SOX6: variants seen among roughly 807,000 people sequenced by gnomAD.
SOX6 encodes transcription factor SOX-6.
Under a neutral mutation model 97.8 loss-of-function variants are expected in SOX6, and 11 were observed. The observed-to-expected ratio is 0.11, with a 90% CI of 0.07 to 0.19. The LOEUF (loss-of-function observed/expected upper bound fraction) is 0.19, where lower values mean the gene tolerates loss of function less well. Among genes scored for constraint, SOX6 ranks in the 10% least tolerant of loss-of-function variants. The pLI is 1.00. For synonymous variants in SOX6, 360 were observed against 371.4 expected (o/e 0.97, Z 0.35); for missense variants, 810 against 1,039.5 (o/e 0.78, Z 3.04).
chr11:16,608,384 C>T (rs942637394), intron 4 of SOX6, among the ~76,000 whole-genome samples: 3 of 150,544 alleles, frequency 2.0e-5, no homozygotes, highest in Non-Finnish European at 2.9e-5. Context: ...ACGAGACAAA[C>T]GGAGAAGGGG....
chr11:16,100,569 G>A (rs937718942), intron 7 of SOX6, among the ~76,000 whole-genome samples: 2 of 151,620 alleles, frequency 1.3e-5, no homozygotes, highest in African/African-American at 4.8e-5. Context: ...AAAACAGCAA[G>A]AGTCCCTAAA....
intron 12 of SOX6, among the ~76,000 whole-genome samples, chr11:16,015,608 C>T (rs1854860944): frequency 6.6e-6 from 1 of 152,008 alleles, no homozygotes; most frequent in African/African-American, 2.4e-5. Context: ...AAAAGGAGGA[C>T]ATCACTCCTA....
rs142449650 is a variant in SOX6 at position 16,015,337 on chromosome 11, A to G, written c.1624-287T>C. ...TCTGTCGGATTTGCTCCAGTAATCTAAAAACAACGCAATAGAGAGGGTTGA... is the reference window on the plus strand; with the variant it reads ...TCTGTCGGATTTGCTCCAGTAATCTGAAAACAACGCAATAGAGAGGGTTGA... On this transcript the variant is annotated intron_variant, in intron 12 of 15. Coordinates refer to ENST00000683767, the MANE Select transcript of SOX6 (RefSeq NM_001367873.1). The G allele has an allele frequency of 1.1e-5, 5 of 448,376 alleles. No individual in the cohort carries two copies. The East Asian group carries it at 2.3e-4, about 20-fold the overall frequency. The allele number at this position is 448,376 out of a possible 1,614,324, so 27.8% of individuals were successfully genotyped here. A position where few individuals can be genotyped will look rare whatever the true frequency, so the allele number is the denominator to read the frequency against.
At chr11:16,548,601 A>G (rs896858626) in intron 4 of SOX6, among the ~76,000 whole-genome samples, 4 of 152,206 alleles carry the variant, frequency 2.6e-5, no homozygotes, top group African/African-American at 9.6e-5. Flanking sequence ...AAAGACAAAA[A>G]TTTAAAAATT....
chr11:16,480,931 C>T (rs1398528471), upstream of SOX6, among the ~76,000 whole-genome samples: 3 of 152,102 alleles, frequency 2.0e-5, no homozygotes, highest in Non-Finnish European at 4.4e-5. Flanking sequence ...ATTAAAACAA[C>T]TGTCTTCAAC....
At chr11:16,050,541 A>G (rs1290522726) in intron 10 of SOX6, among the ~76,000 whole-genome samples, 1 of 152,182 alleles carries the variant, frequency 6.6e-6, no homozygotes, top group African/African-American at 2.4e-5. Flanking sequence ...TAATTTTTGC[A>G]AAGACCAAGG....
At chr11:16,004,572 T>C (rs1854497342) in intron 13 of SOX6, among the ~76,000 whole-genome samples, 1 of 152,004 alleles carries the variant, frequency 6.6e-6, no homozygotes, top group Non-Finnish European at 1.5e-5. Flanking sequence ...GACAATCCAA[T>C]CTGATGGGCC....
chr11:16,242,416 C>A (rs1853221223), intron 3 of SOX6, among the ~76,000 whole-genome samples: 1 of 151,804 alleles, frequency 6.6e-6, no homozygotes, highest in Non-Finnish European at 1.5e-5. Flanking sequence ...AATGAAATTG[C>A]CTAAGGATGC....
At chr11:16,102,149 A>G (rs937823727) in intron 7 of SOX6, among the ~76,000 whole-genome samples, 6 of 151,918 alleles carry the variant, frequency 3.9e-5, no homozygotes, top group Non-Finnish European at 7.4e-5. Context: ...TAATCCAAAA[A>G]GCTCCTAGAA....
At chr11:16,580,125 T>C (rs1848018838) in intron 4 of SOX6, among the ~76,000 whole-genome samples, 2 of 152,166 alleles carry the variant, frequency 1.3e-5, no homozygotes, top group African/African-American at 2.4e-5. Context: ...AGACATTACC[T>C]GGGTCATTGA....
chr11:16,427,947 C>T (rs1226510999), intron 1 of SOX6, among the ~76,000 whole-genome samples: 2 of 151,558 alleles, frequency 1.3e-5, no homozygotes, highest in Non-Finnish European at 1.5e-5. Flanking sequence ...GTCCCACCAA[C>T]AGTGTAAAAG....
intron 3 of SOX6, among the ~76,000 whole-genome samples, chr11:16,250,149 A>T (rs1287692319): frequency 1.3e-5 from 2 of 152,146 alleles, no homozygotes; most frequent in African/African-American, 4.8e-5. Context: ...TGAGATCAGC[A>T]GTGGCGTTTG....
chr11:16,104,101 C>G (rs1434457957), intron 7 of SOX6, among the ~76,000 whole-genome samples: 1 of 151,876 alleles, frequency 6.6e-6, no homozygotes, highest in Non-Finnish European at 1.5e-5. Flanking sequence ...GATTATAGAC[C>G]TTTAAAAAAC....
chr11:16,086,108 A>G (rs996969398), intron 9 of SOX6, among the ~76,000 whole-genome samples: 1 of 152,222 alleles, frequency 6.6e-6, no homozygotes, highest in Admixed American at 6.5e-5. Flanking sequence ...AAAACTGAAT[A>G]ATTGCTGAAA....
chr11:16,421,677 A>G (rs374005578), intron 1 of SOX6, among the ~76,000 whole-genome samples: 20 of 152,344 alleles, frequency 1.3e-4, no homozygotes, highest in Admixed American at 3.9e-4. Context: ...TTTGACTTCA[A>G]TTAGGAACTA....
At chr11:16,161,334 C>A (rs1011410820) in intron 6 of SOX6, among the ~76,000 whole-genome samples, 3 of 147,968 alleles carry the variant, frequency 2.0e-5, no homozygotes, top group Admixed American at 2.0e-4. Context: ...ATATATATAT[C>A]AGATATATAT....
intron 3 of SOX6, among the ~76,000 whole-genome samples, chr11:16,634,078 A>T (rs1848749369): frequency 6.6e-6 from 1 of 152,226 alleles, no homozygotes; most frequent in Non-Finnish European, 1.5e-5. Flanking sequence ...AAATTATCAG[A>T]CAAGAACTTT....
chr11:16,289,355 G>A (rs1854840432), intron 3 of SOX6, among the ~76,000 whole-genome samples: 3 of 151,892 alleles, frequency 2.0e-5, no homozygotes, highest in African/African-American at 4.8e-5. Flanking sequence ...GGCACACTCT[G>A]GTAGCTTCCA....
chr11:16,087,764 T>C (rs1848608419), intron 9 of SOX6, among the ~76,000 whole-genome samples: 1 of 152,188 alleles, frequency 6.6e-6, no homozygotes, highest in African/African-American at 2.4e-5. Context: ...TATATATTCC[T>C]TTCCTTATTT....
Sources: gnomAD v4.1 joint callset for allele counts (sites outside exome capture counted in the v4.1 genomes callset) on GRCh38, gnomAD v4.1.1 for gene constraint, MANE v1.5 for transcripts, NCBI Gene and HGNC (gene_info 2026-07-23, HGNC 2026-07-21) for gene names.